The following SND1 variants were observed in gnomAD, a reference collection of about 807,000 sequenced individuals.
SND1 encodes staphylococcal nuclease and tudor domain containing 1, also known as staphylococcal nuclease domain-containing protein 1.
SND1 carries 38 observed loss-of-function variants against 121.7 expected under a neutral mutation model. The ratio of observed to expected loss-of-function variants is 0.31; its 90% CI spans 0.24 to 0.41. SND1 has a LOEUF of 0.41. SND1 is among the 10% of genes least tolerant of loss of function. The pLI is 1.00. For synonymous variants in SND1, 401 were observed against 447.4 expected, an observed-to-expected ratio of 0.90 and a Z score of 1.31; for missense variants, 868 against 1,184.6, an observed-to-expected ratio of 0.73 and a Z score of 3.92.
chr7:127,668,575 A>G (rs2116256110), intron 1 of SND1, among the ~76,000 whole-genome samples: 1 of 152,368 alleles, frequency 6.6e-6, no homozygotes, highest in South Asian at 2.1e-4. Context: ...GAATGGCACT[A>G]CTGCATATCA....
intron 12 of SND1, among the ~76,000 whole-genome samples, chr7:127,859,261 T>A (rs1799336882): frequency 6.6e-6 from 1 of 152,158 alleles, no homozygotes; most frequent in South Asian, 2.1e-4. Context: ...GAGCCACCCT[T>A]CCCCACCCCT....
chr7:127,988,064 G>C (rs1297710054), intron 15 of SND1, among the ~76,000 whole-genome samples: 1 of 152,186 alleles, frequency 6.6e-6, no homozygotes, highest in Non-Finnish European at 1.5e-5. Flanking sequence ...TCTATTGAAG[G>C]CTTCTTACTT....
intron 10 of SND1, among the ~76,000 whole-genome samples, chr7:127,735,280 T>A (rs1796755034): frequency 1.3e-5 from 2 of 152,228 alleles, no homozygotes; most frequent in Admixed American, 1.3e-4. Context: ...AGCTCCTGTT[T>A]TTCAGGATTT....
intron 8 of SND1, among the ~76,000 whole-genome samples, chr7:127,706,889 A>G (rs1244125099): frequency 6.6e-6 from 1 of 152,256 alleles, no homozygotes; most frequent in African/African-American, 2.4e-5. Flanking sequence ...TTTCAGAAAT[A>G]ATAGTTCCTT....
chr7:127,980,193 T>A lies in SND1; in HGVS notation c.1670-10754T>A, dbSNP rs1345945607. Among the ~76,000 whole-genome samples the A allele has an allele frequency of 1.5e-4, 9 of 59,480 alleles. 3 individuals are homozygous for A. In the East Asian group the frequency reaches 2.1e-3, roughly 14 times the overall value. The allele number at this position is 59,480 out of a possible 152,430, so 39.0% of individuals were successfully genotyped here. On this transcript the variant is annotated intron_variant, in intron 15 of 23. Transcript: ENST00000354725. The stretch of plus-strand genomic sequence containing the variant: ...AGTGGCGCAATCTCGGCTCACTGCA[T>A]GCTCCGCCTCCCGGGTTCACGCCAT...
intron 10 of SND1, 77 bp from the exon 11 acceptor site, chr7:127,807,407 A>C (rs1010226464): frequency 8.9e-7 from 1 of 1,117,816 alleles, no homozygotes; most frequent in African/African-American, 1.6e-5. Flanking sequence ...TTTCAGACAC[A>C]TTCCTATATC....
At chr7:127,744,567 A>G (rs1438902086) in intron 10 of SND1, among the ~76,000 whole-genome samples, 1 of 152,182 alleles carries the variant, frequency 6.6e-6, no homozygotes, top group Non-Finnish European at 1.5e-5. Flanking sequence ...CTGGGCTGTC[A>G]TTACATGATG....
intron 10 of SND1, among the ~76,000 whole-genome samples, chr7:127,785,446 T>C (rs1417086766): frequency 6.6e-6 from 1 of 152,188 alleles, no homozygotes; most frequent in Non-Finnish European, 1.5e-5. Context: ...AAATCTTATA[T>C]GAGTTTATTA....
chr7:127,885,831 C>T (rs1052950070), intron 12 of SND1, among the ~76,000 whole-genome samples: 2 of 152,040 alleles, frequency 1.3e-5, no homozygotes, highest in African/African-American at 2.4e-5. Flanking sequence ...AATGCAGTAA[C>T]AAATATTTCT....
intron 16 of SND1, chr7:128,028,443 T>C (rs141403674): frequency 5.1e-4 from 226 of 442,380 alleles, no homozygotes; most frequent in Non-Finnish European, 9.2e-5. Flanking sequence ...TTGTGGCTTG[T>C]ACCCCACAAC....
intron 10 of SND1, among the ~76,000 whole-genome samples, chr7:127,756,681 G>A (rs140050979): frequency 6.6e-5 from 10 of 152,208 alleles, no homozygotes; most frequent in Admixed American, 1.3e-4. Context: ...GATATGTGGC[G>A]ACTTAGAATC....
intron 2 of SND1, among the ~76,000 whole-genome samples, chr7:127,687,691 T>G (rs1795838924): frequency 1.3e-5 from 2 of 152,120 alleles, no homozygotes; most frequent in South Asian, 2.1e-4. Flanking sequence ...TTACTGATTT[T>G]TTTTGTTTTG....
rs1051049238 is a variant in SND1 at position 127,704,928 on chromosome 7, G to A, written c.930G>A (p.Lys310=). The A allele has an allele frequency of 7.4e-6, 12 of 1,613,906 alleles. No homozygotes were observed. In the African/African-American group the frequency reaches 1.1e-4, roughly 14 times the overall value. Residue 310 remains lysine, a synonymous_variant, in exon 8 of 24, where the codon AAG becomes AAA. Coordinates refer to ENST00000354725, the MANE Select transcript of SND1 (RefSeq NM_014390.4). ...SIAVYTRGAE[K]LRAAERFAKE... is the part of the protein sequence containing the mutation. ...CAGTTTACACCCGGGGCGCAGAAAA[G>A]CTGAGGGCGGCAGAGAGGTAAGGTC... is the stretch of plus-strand genomic sequence containing the variant.
chr7:127,958,393 G>T (rs1411940629), intron 15 of SND1, among the ~76,000 whole-genome samples: 1 of 152,194 alleles, frequency 6.6e-6, no homozygotes, highest in East Asian at 1.9e-4. Flanking sequence ...ACTTTGTCCA[G>T]TCGTCTGTGT....
chr7:127,676,098 C>G (rs1795611717), intron 1 of SND1, among the ~76,000 whole-genome samples: 1 of 152,198 alleles, frequency 6.6e-6, no homozygotes, highest in Non-Finnish European at 1.5e-5. Context: ...TCATGATTCT[C>G]ATATCATAGA....
intron 10 of SND1, among the ~76,000 whole-genome samples, chr7:127,798,086 T>G (rs778906625): frequency 6.6e-5 from 10 of 152,208 alleles, no homozygotes; most frequent in Non-Finnish European, 1.5e-4. Flanking sequence ...AAAATGGTAC[T>G]TTAATTTCAG....
intron 15 of SND1, among the ~76,000 whole-genome samples, chr7:127,969,936 A>G (rs1801945071): frequency 6.6e-6 from 1 of 152,178 alleles, no homozygotes; most frequent in South Asian, 2.1e-4. Context: ...TATAAATTAG[A>G]GTTTCTCTAA....
At chr7:127,684,792 G>A (rs1468534731) in intron 1 of SND1, among the ~76,000 whole-genome samples, 1 of 152,136 alleles carries the variant, frequency 6.6e-6, no homozygotes. Flanking sequence ...GTGTGCCATG[G>A]TATATAACCA....
At chr7:127,752,276 G>T (rs1797109692) in intron 10 of SND1, among the ~76,000 whole-genome samples, 1 of 152,182 alleles carries the variant, frequency 6.6e-6, no homozygotes, top group Non-Finnish European at 1.5e-5. Flanking sequence ...TGGAAATTTG[G>T]AGGGGGTGGG....
Sources: allele counts gnomAD v4.1 joint callset (sites outside exome capture counted in the v4.1 genomes callset), GRCh38; gene constraint gnomAD v4.1.1; transcripts MANE v1.5; gene names NCBI Gene and HGNC (gene_info 2026-07-23, HGNC 2026-07-21).